B3GALT1: variants seen among roughly 807,000 people sequenced by gnomAD.
The protein encoded by B3GALT1 is UDP-Gal:betaGlcNAc beta 1,3-galactosyltransferase, polypeptide 1.
In B3GALT1, 10 loss-of-function variants were observed where a neutral mutation model predicts 23.2. That is an observed-to-expected ratio of 0.43 (90% CI 0.27 to 0.73). The LOEUF (loss-of-function observed/expected upper bound fraction) is 0.73. B3GALT1 is among the 30% of genes least tolerant of loss of function. The pLI, the probability that B3GALT1 is intolerant of heterozygous loss-of-function variation, is 0.21. For synonymous variants in B3GALT1, 156 were observed against 141.5 expected (o/e 1.10, Z -0.73); for missense variants, 299 against 405.4 (o/e 0.74, Z 2.25).
At chr2:167,604,429 T>G (rs1684928248) in intron 2 of B3GALT1, among the ~76,000 whole-genome samples, 2 of 152,238 alleles carry the variant, frequency 1.3e-5, no homozygotes, top group African/African-American at 4.8e-5. Context: ...TACTGTCACC[T>G]CTGTAAGGAA....
In B3GALT1 at chr2:167,494,483, G is replaced by A. The variant is rs573022853; in HGVS notation, c.-410+4206G>A. ...TCACTGTTTTAAAATATGACAACACGTAAGAAGTATCTAAAATAAAACTAT... is the reference window on the plus strand; with the variant it reads ...TCACTGTTTTAAAATATGACAACACATAAGAAGTATCTAAAATAAAACTAT... On this transcript the variant is annotated intron_variant, in intron 2 of 4. Transcript: ENST00000392690. Among the ~76,000 whole-genome samples the A allele has an allele frequency of 7.9e-5, 12 of 152,038 alleles. No individual in the cohort carries two copies. In the South Asian group the frequency reaches 2.1e-3, roughly 26 times the overall value.
At chr2:167,404,896 A>G in intron 1 of B3GALT1, among the ~76,000 whole-genome samples, 1 of 152,156 alleles carries the variant, frequency 6.6e-6, no homozygotes, top group Non-Finnish European at 1.5e-5. Context: ...GTGGCAGCTA[A>G]AGGGCAGCTT....
chr2:167,781,526 A>G (rs1436808091), intron 3 of B3GALT1, among the ~76,000 whole-genome samples: 1 of 152,192 alleles, frequency 6.6e-6, no homozygotes, highest in African/African-American at 2.4e-5. Context: ...AGCTTCAGGA[A>G]CCAAAGAGGA....
intron 4 of B3GALT1, among the ~76,000 whole-genome samples, chr2:167,849,299 C>T (rs539510331): frequency 6.6e-6 from 1 of 152,282 alleles, no homozygotes; most frequent in South Asian, 2.1e-4. Context: ...AAGAACAAAT[C>T]TGGAGGCATC....
chr2:167,445,394 A>T, intron 1 of B3GALT1, among the ~76,000 whole-genome samples: 1 of 152,182 alleles, frequency 6.6e-6, no homozygotes. Flanking sequence ...CTTGGTGCAG[A>T]GCTGAGTTAA....
intron 1 of B3GALT1, among the ~76,000 whole-genome samples, chr2:167,439,316 T>G (rs1249002162): frequency 6.6e-6 from 1 of 152,228 alleles, no homozygotes; most frequent in East Asian, 1.9e-4. Flanking sequence ...GCCACATCAA[T>G]TCCTTTGAAT....
chr2:167,455,934 A>G (rs1248518894), intron 1 of B3GALT1, among the ~76,000 whole-genome samples: 1 of 152,176 alleles, frequency 6.6e-6, no homozygotes, highest in Non-Finnish European at 1.5e-5. Flanking sequence ...ACACATATAT[A>G]ATCACCTAAT....
intron 2 of B3GALT1, among the ~76,000 whole-genome samples, chr2:167,581,318 C>T (rs908483054): frequency 6.6e-6 from 1 of 152,154 alleles, no homozygotes; most frequent in African/African-American, 2.4e-5. Context: ...GAGGTACCTA[C>T]AAAATGTTAA....
At chr2:167,336,040 T>G (rs142947491) in intron 1 of B3GALT1, among the ~76,000 whole-genome samples, 1 of 152,206 alleles carries the variant, frequency 6.6e-6, no homozygotes, top group Non-Finnish European at 1.5e-5. Flanking sequence ...GCATGCATTA[T>G]TGCTTTTTCT....
intron 2 of B3GALT1, among the ~76,000 whole-genome samples, chr2:167,584,048 G>A (rs1478904012): frequency 6.6e-6 from 1 of 151,626 alleles, no homozygotes; most frequent in East Asian, 1.9e-4. Context: ...GGGGTGGCAG[G>A]CTGGGGGAGC....
At chr2:167,527,585 A>G (rs1348907929) in intron 2 of B3GALT1, among the ~76,000 whole-genome samples, 1 of 152,168 alleles carries the variant, frequency 6.6e-6, no homozygotes, top group Non-Finnish European at 1.5e-5. Context: ...CTTTTCACAA[A>G]ACCATAAATA....
At chr2:167,796,014 C>T (rs2105334524) in intron 3 of B3GALT1, among the ~76,000 whole-genome samples, 1 of 152,302 alleles carries the variant, frequency 6.6e-6, no homozygotes, top group South Asian at 2.1e-4. Flanking sequence ...GGTTTAATAA[C>T]TGGTTGTGTA....
chr2:167,476,523 C>T (rs1699488667), intron 1 of B3GALT1, among the ~76,000 whole-genome samples: 1 of 152,158 alleles, frequency 6.6e-6, no homozygotes, highest in African/African-American at 2.4e-5. Context: ...TCCTATTACA[C>T]CTTCACAGCT....
At chr2:167,387,306 T>C (rs1697943909) in intron 1 of B3GALT1, among the ~76,000 whole-genome samples, 1 of 152,184 alleles carries the variant, frequency 6.6e-6, no homozygotes, top group Non-Finnish European at 1.5e-5. Context: ...ATTTTGTCAG[T>C]TGGGAAAAAT....
At chr2:167,866,215 G>A (rs1381110770) in intron 4 of B3GALT1, among the ~76,000 whole-genome samples, 4 of 152,180 alleles carry the variant, frequency 2.6e-5, no homozygotes, top group African/African-American at 9.7e-5. Context: ...GGAGGAGTGA[G>A]ATTCACGTTA....
chr2:167,865,782 A>T (rs1690202838), intron 4 of B3GALT1, among the ~76,000 whole-genome samples: 1 of 152,216 alleles, frequency 6.6e-6, no homozygotes, highest in Admixed American at 6.5e-5. Flanking sequence ...ACAGAGCGAG[A>T]CTCCGTCTCA....
chr2:167,493,913 A>G (rs1699743530), intron 2 of B3GALT1, among the ~76,000 whole-genome samples: 2 of 152,082 alleles, frequency 1.3e-5, no homozygotes, highest in South Asian at 4.1e-4. Context: ...ATGTTGTTGT[A>G]TTACTGGTGA....
intron 2 of B3GALT1, among the ~76,000 whole-genome samples, chr2:167,518,770 GCCTGGTACTTT>G (rs1558890367): frequency 2.0e-5 from 3 of 152,172 alleles, no homozygotes; most frequent in African/African-American, 7.2e-5. Context: ...AACAGTTAAT[GCCTGGTACTTT>G]CCTTACAACC....
intron 3 of B3GALT1, among the ~76,000 whole-genome samples, chr2:167,697,072 T>C (rs573624009): frequency 1.3e-5 from 2 of 152,318 alleles, no homozygotes; most frequent in South Asian, 2.1e-4. Flanking sequence ...AAGGCAGATA[T>C]TGCCTTGACT....
Sources: allele counts gnomAD v4.1 joint callset (sites outside exome capture counted in the v4.1 genomes callset), GRCh38; gene constraint gnomAD v4.1.1; transcripts MANE v1.5; gene names NCBI Gene and HGNC (gene_info 2026-07-23, HGNC 2026-07-21).